The following GFRAL variants were observed in gnomAD, a reference collection of about 807,000 sequenced individuals.
GFRAL encodes the protein GDNF family receptor alpha like, also known as GDNF family receptor alpha-like.
GFRAL carries 36 observed loss-of-function variants against 45.4 expected under a neutral mutation model. The ratio of observed to expected loss-of-function variants is 0.79; its 90% CI spans 0.61 to 1.05. The LOEUF is 1.05. Ranked by LOEUF, GFRAL falls within the 50% of genes least tolerant of loss-of-function variation. The pLI is 0.00. For missense variants in GFRAL, 507 were observed against 467.5 expected (o/e 1.08, Z -0.78); for synonymous variants, 166 against 154.1 (o/e 1.08, Z -0.57).
At chr6:55,362,184 G>T (rs1230008890) in intron 6 of GFRAL, among the ~76,000 whole-genome samples, 1 of 151,236 alleles carries the variant, frequency 6.6e-6, no homozygotes, top group Non-Finnish European at 1.5e-5. Flanking sequence ...TAAATAGCTT[G>T]CCCAGGGTTC....
chr6:55,388,411 A>C, intron 6 of GFRAL, among the ~76,000 whole-genome samples: 1 of 152,174 alleles, frequency 6.6e-6, no homozygotes, highest in East Asian at 1.9e-4. Flanking sequence ...CTGTGTAGGA[A>C]GATGCTACTC....
At chr6:55,359,264 T>C in intron 6 of GFRAL, 126 bp downstream of exon 6, 1 of 734,398 alleles carries the variant, frequency 1.4e-6, no homozygotes, top group Non-Finnish European at 2.1e-6. Context: ...GTGTTTGGTA[T>C]TGCATTTGAA....
At chr6:55,369,444 T>A (rs1341826160) in intron 6 of GFRAL, among the ~76,000 whole-genome samples, 1 of 152,240 alleles carries the variant, frequency 6.6e-6, no homozygotes, top group Non-Finnish European at 1.5e-5. Context: ...GAGCTGTTCC[T>A]ATTCGGCCAT....
At chr6:55,357,704 G>A (rs1013576875) in intron 5 of GFRAL, among the ~76,000 whole-genome samples, 1 of 151,636 alleles carries the variant, frequency 6.6e-6, no homozygotes, top group Non-Finnish European at 1.5e-5. Flanking sequence ...GTGTACCAAA[G>A]TAGTATTTTA....
At chr6:55,370,899 ATG>A (rs1201939714) in intron 6 of GFRAL, among the ~76,000 whole-genome samples, 1 of 152,180 alleles carries the variant, frequency 6.6e-6, no homozygotes, top group African/African-American at 2.4e-5. Flanking sequence ...GCCTCAGCAC[ATG>A]TGTGTTTCTG....
intron 6 of GFRAL, among the ~76,000 whole-genome samples, chr6:55,383,364 G>A (rs1325635573): frequency 1.3e-5 from 2 of 151,984 alleles, no homozygotes; most frequent in African/African-American, 4.8e-5. Context: ...ACTGCATAAT[G>A]ATGTTTCTGT....
At chr6:55,369,363 A>G (rs1026114613) in intron 6 of GFRAL, among the ~76,000 whole-genome samples, 11 of 152,236 alleles carry the variant, frequency 7.2e-5, no homozygotes, top group African/African-American at 2.6e-4. Context: ...AGTGAGATGA[A>G]CCCGGTACCT....
chr6:55,390,039 G>T (rs759351950), intron 6 of GFRAL, among the ~76,000 whole-genome samples: 5 of 152,300 alleles, frequency 3.3e-5, no homozygotes, highest in South Asian at 4.1e-4. Flanking sequence ...ACTGCCTAAG[G>T]TTTCCCAAAA....
At chr6:55,365,158 C>T (rs1374735355) in intron 6 of GFRAL, among the ~76,000 whole-genome samples, 1 of 150,988 alleles carries the variant, frequency 6.6e-6, no homozygotes, top group Non-Finnish European at 1.5e-5. Context: ...CCTTCACATC[C>T]CTTGTAAGTG....
Position 55,392,011 on chromosome 6 carries a change from A to G in GFRAL, c.953-7169A>G, listed in dbSNP as rs961154163. Among the ~76,000 whole-genome samples, 5 of 152,332 alleles carry G rather than the reference A, an allele frequency of 3.3e-5. 1 individual carries two copies. Among genetic ancestry groups the G allele is most frequent in the Non-Finnish European group, 2.9e-5 (2 of 68,034 alleles). On this transcript the variant is annotated intron_variant, in intron 6 of 8. Transcript: ENST00000340465. ...GCTTTCTAGTTAGATTTCACTCATG[A>G]AACCAACCTATATACCAAGACTAGA... is the stretch of plus-strand genomic sequence containing the variant.
intron 8 of GFRAL, among the ~76,000 whole-genome samples, 169 bp downstream of exon 8, chr6:55,399,610 A>G (rs747052482): frequency 5.9e-5 from 9 of 152,190 alleles, no homozygotes; most frequent in Non-Finnish European, 1.3e-4. Context: ...CGTTACTTTC[A>G]GTCTTCCTAC....
chr6:55,358,681 A>G (rs943574993), intron 5 of GFRAL, among the ~76,000 whole-genome samples: 1 of 151,994 alleles, frequency 6.6e-6, no homozygotes, highest in Non-Finnish European at 1.5e-5. Flanking sequence ...TTTCATCACA[A>G]AAAAGGGACA....
chr6:55,362,580 G>C (rs1034500137), intron 6 of GFRAL, among the ~76,000 whole-genome samples: 1 of 151,996 alleles, frequency 6.6e-6, no homozygotes. Context: ...AGAGCTAATA[G>C]GGAAATGAGA....
At chr6:55,371,657 A>G (rs1023392296) in intron 6 of GFRAL, among the ~76,000 whole-genome samples, 1 of 152,196 alleles carries the variant, frequency 6.6e-6, no homozygotes, top group African/African-American at 2.4e-5. Flanking sequence ...TAAACAACAA[A>G]TGAATGCTGA....
chr6:55,350,921 A>G (rs1768107971), intron 4 of GFRAL, among the ~76,000 whole-genome samples: 1 of 152,142 alleles, frequency 6.6e-6, no homozygotes. Flanking sequence ...ACCATAAGCT[A>G]CATAGTTCAA....
intron 6 of GFRAL, among the ~76,000 whole-genome samples, chr6:55,377,639 C>A (rs1271212745): frequency 3.3e-5 from 5 of 151,976 alleles, no homozygotes; most frequent in Admixed American, 3.3e-4. Context: ...TAGCTCGATA[C>A]CTTGGAGGAA....
At chr6:55,333,216 C>A (rs1297739890) in intron 2 of GFRAL, among the ~76,000 whole-genome samples, 1 of 151,706 alleles carries the variant, frequency 6.6e-6, no homozygotes, top group Non-Finnish European at 1.5e-5. Flanking sequence ...TAGTTTTATT[C>A]AGAATAATAA....
At chr6:55,389,231 C>T (rs1466097137) in intron 6 of GFRAL, among the ~76,000 whole-genome samples, 1 of 152,080 alleles carries the variant, frequency 6.6e-6, no homozygotes, top group Non-Finnish European at 1.5e-5. Context: ...TTTTCCTGAT[C>T]CTCTCTCTCC....
intron 6 of GFRAL, among the ~76,000 whole-genome samples, chr6:55,373,054 A>G (rs972410264): frequency 2.0e-5 from 3 of 151,680 alleles, no homozygotes; most frequent in Admixed American, 6.6e-5. Flanking sequence ...CCCCACTATA[A>G]ACCTACATAT....
Sources: allele counts gnomAD v4.1 joint callset (sites outside exome capture counted in the v4.1 genomes callset), GRCh38; gene constraint gnomAD v4.1.1; transcripts MANE v1.5; gene names NCBI Gene and HGNC (gene_info 2026-07-23, HGNC 2026-07-21).